The following GOLIM4 variants were observed in gnomAD, a reference collection of about 807,000 sequenced individuals.
GOLIM4 encodes the protein golgi integral membrane protein 4.
A neutral mutation model predicts 107.4 loss-of-function variants in GOLIM4; 71 were observed. The ratio of observed to expected loss-of-function variants is 0.66; its 90% CI spans 0.55 to 0.81. The LOEUF is 0.81. GOLIM4 is among the 30% of genes least tolerant of loss of function. The pLI, the probability that GOLIM4 is intolerant of heterozygous loss-of-function variation, is 0.00. For missense variants in GOLIM4, 830 were observed against 826.1 expected (o/e 1.00, Z -0.06); for synonymous variants, 327 against 294.8 (o/e 1.11, Z -1.12).
chr3:168,011,104 G>C (rs1716988547), intron 14 of GOLIM4, among the ~76,000 whole-genome samples: 1 of 151,972 alleles, frequency 6.6e-6, no homozygotes, highest in Admixed American at 6.5e-5. Flanking sequence ...GCAGAAGACA[G>C]TGATTTCTGC....
intron 1 of GOLIM4, among the ~76,000 whole-genome samples, chr3:168,070,179 G>A (rs1720763625): frequency 6.6e-6 from 1 of 152,176 alleles, no homozygotes; most frequent in Non-Finnish European, 1.5e-5. Flanking sequence ...GGATCACGAG[G>A]TCAGGAGATG....
intron 7 of GOLIM4, among the ~76,000 whole-genome samples, chr3:168,039,793 T>G (rs1210299996): frequency 6.6e-6 from 1 of 152,146 alleles, no homozygotes; most frequent in East Asian, 1.9e-4. Flanking sequence ...ACAAAAATTT[T>G]TATAAAGAAG....
intron 7 of GOLIM4, among the ~76,000 whole-genome samples, chr3:168,038,747 TG>T (rs1483798804): frequency 1.3e-5 from 2 of 152,164 alleles, no homozygotes; most frequent in Non-Finnish European, 2.9e-5. Flanking sequence ...AAAGGAGATT[TG>T]GGGAAAGTCT....
chr3:168,034,100 T>C (rs1718506188), intron 8 of GOLIM4, among the ~76,000 whole-genome samples: 1 of 152,182 alleles, frequency 6.6e-6, no homozygotes, highest in African/African-American at 2.4e-5. Context: ...ATTAATAAAC[T>C]GGGGAGAAAA....
chr3:168,050,860 T>TAATAATAAA (rs1553800150), intron 1 of GOLIM4, among the ~76,000 whole-genome samples: 1,441 of 128,810 alleles, frequency 0.011, 26 homozygotes, highest in African/African-American at 0.038. Flanking sequence ...ATAATAATAA[T>TAATAATAAA]AATAATAATA....
At chr3:168,050,822 TATA>T (rs140084468) in intron 1 of GOLIM4, among the ~76,000 whole-genome samples, 10,928 of 136,170 alleles carry the variant, frequency 0.08, 490 homozygotes, top group South Asian at 0.11. Context: ...TAGCAACACC[TATA>T]ATAATAATAA....
intron 1 of GOLIM4, among the ~76,000 whole-genome samples, chr3:168,083,650 G>C (rs2030533): frequency 0.19 from 28,428 of 152,142 alleles, 4,354 homozygotes; most frequent in African/African-American, 0.42. Context: ...GTCAGATAAT[G>C]CAAGAAAAAT....
chr3:168,019,887 C>T (rs1717587365), intron 14 of GOLIM4, among the ~76,000 whole-genome samples: 1 of 152,106 alleles, frequency 6.6e-6, no homozygotes, highest in East Asian at 1.9e-4. Context: ...TCCCTGACCT[C>T]TGTTCATCTA....
At position 168,010,186 on chromosome 3, in the gene GOLIM4, T is replaced by C; in HGVS notation, c.*83A>G. The C allele has an allele frequency of 3.2e-6, 4 of 1,235,982 alleles. No homozygotes were observed. The highest frequency in any genetic ancestry group is 3.3e-5 in the South Asian group (2 of 61,394). The allele number at this position is 1,235,982 out of a possible 1,614,324, so 76.6% of individuals were successfully genotyped here. A position where few individuals can be genotyped will look rare whatever the true frequency, so the allele number is the denominator to read the frequency against. On this transcript the variant is annotated 3_prime_UTR_variant, in exon 16 of 16. Transcript: ENST00000470487. ...AGTTCTTAATTTTTGTAATTAAATA[T>C]CCTAGAGTTCAGTAGGCAGATTTAT...
chr3:168,061,032 G>A (rs578001248), intron 1 of GOLIM4, among the ~76,000 whole-genome samples: 2 of 152,108 alleles, frequency 1.3e-5, no homozygotes, highest in Admixed American at 1.3e-4. Flanking sequence ...AAGTATGATG[G>A]AGGTTAAACT....
chr3:168,067,817 G>A (rs1206917350), intron 1 of GOLIM4, among the ~76,000 whole-genome samples: 1 of 151,888 alleles, frequency 6.6e-6, no homozygotes, highest in Non-Finnish European at 1.5e-5. Flanking sequence ...ATAAAAACAA[G>A]GCCAGGATTC....
At chr3:168,075,712 T>C (rs1721054690) in intron 1 of GOLIM4, among the ~76,000 whole-genome samples, 1 of 152,172 alleles carries the variant, frequency 6.6e-6, no homozygotes, top group African/African-American at 2.4e-5. Context: ...GCTTTTCTCA[T>C]TGCTTCTTCT....
chr3:168,020,778 T>C (rs1263123208), intron 14 of GOLIM4, among the ~76,000 whole-genome samples: 1 of 152,238 alleles, frequency 6.6e-6, no homozygotes, highest in Non-Finnish European at 1.5e-5. Context: ...ATATTACTGA[T>C]ATTTGGGGCA....
At chr3:168,060,450 G>A (rs1489763091) in intron 1 of GOLIM4, among the ~76,000 whole-genome samples, 1 of 152,172 alleles carries the variant, frequency 6.6e-6, no homozygotes, top group Non-Finnish European at 1.5e-5. Context: ...CAGCTGAGAT[G>A]GGGAAGGCCA....
chr3:168,060,532 A>G (rs1015885318), intron 1 of GOLIM4, among the ~76,000 whole-genome samples: 4 of 152,242 alleles, frequency 2.6e-5, no homozygotes, highest in African/African-American at 4.8e-5. Context: ...AGCCTGGAAG[A>G]GTCCAGTTAG....
chr3:168,048,658 G>C (rs1300710168), intron 1 of GOLIM4, among the ~76,000 whole-genome samples: 1 of 152,090 alleles, frequency 6.6e-6, no homozygotes, highest in African/African-American at 2.4e-5. Context: ...GTGTCTTTTT[G>C]AGATCTTTTT....
intron 1 of GOLIM4, among the ~76,000 whole-genome samples, chr3:168,092,318 C>G (rs1341095818): frequency 6.6e-6 from 1 of 152,156 alleles, no homozygotes; most frequent in East Asian, 1.9e-4. Context: ...GATAAACAGG[C>G]AGACATAGAT....
chr3:168,024,873 G>C, intron 13 of GOLIM4, 55 bp downstream of exon 13: 1 of 1,514,216 alleles, frequency 6.6e-7, no homozygotes, highest in Non-Finnish European at 9.1e-7. Flanking sequence ...ACATAAACCA[G>C]ATGTTTCTTA....
intron 1 of GOLIM4, among the ~76,000 whole-genome samples, chr3:168,075,925 C>T (rs1470627374): frequency 1.3e-5 from 2 of 152,136 alleles, no homozygotes; most frequent in African/African-American, 2.4e-5. Context: ...TGACTAGTCA[C>T]TTGCTCACTC....
Sources: allele counts gnomAD v4.1 joint callset (sites outside exome capture counted in the v4.1 genomes callset), GRCh38; gene constraint gnomAD v4.1.1; transcripts MANE v1.5; gene names NCBI Gene and HGNC (gene_info 2026-07-23, HGNC 2026-07-21).